NOS3: variants seen among roughly 807,000 people sequenced by gnomAD.
NOS3 encodes nitric oxide synthase 3.
Under a neutral mutation model 144.9 loss-of-function variants are expected in NOS3, and 98 were observed. The ratio of observed to expected loss-of-function variants is 0.68; its 90% confidence interval spans 0.57 to 0.80. The LOEUF (loss-of-function observed/expected upper bound fraction) is 0.80, where lower values mean the gene tolerates loss of function less well. NOS3 is among the 30% of genes least tolerant of loss of function. The pLI is 0.00. For synonymous variants in NOS3, 714 were observed against 702.4 expected (o/e 1.02, Z -0.26); for missense variants, 1,465 against 1,656.4 (o/e 0.88, Z 2.01).
At chr7:150,996,593 G>T in intron 4 of NOS3, 41 bp downstream of exon 4, 1 of 1,562,842 alleles carries the variant, frequency 6.4e-7, no homozygotes. Context: ...TTGTCCCACT[G>T]AGGCCCCAGA....
At chr7:151,011,704 T>G in intron 23 of NOS3, 1 of 249,078 alleles carries the variant, frequency 4.0e-6, no homozygotes, top group Non-Finnish European at 8.3e-6. Context: ...TTTTGTATTT[T>G]TAGTAGAGAC....
At chr7:151,007,392 C>A (rs746644119) in intron 17 of NOS3, 116 bp downstream of exon 17, 16 of 1,170,786 alleles carry the variant, frequency 1.4e-5, no homozygotes, top group Admixed American at 2.8e-5. Context: ...CCAAAATCCA[C>A]CCTCATCTCT....
Position 151,002,311 on chromosome 7 carries a change from A to G in NOS3, c.1752+7A>G. On this transcript the variant is annotated splice_region_variant and intron_variant, in intron 14 of 26. Transcript: ENST00000297494. This position sits in a 1 kb window ranked among gnomAD's most constrained non-coding sequence, Gnocchi z 4.1. ...TCCCCCGGAGAATGGAGAGGTGAGA[A>G]CTTCCAGGAAAGGGGCTGCTGGGAA... 6.7e-7 allele frequency: 1 copy of G among 1,500,414 alleles called. No individual in the cohort carries two copies. Among genetic ancestry groups the G allele is most frequent in the African/African-American group, 1.4e-5 (1 of 72,534 alleles). 92.9% of individuals were successfully genotyped at this position (1,500,414 alleles called of 1,614,324 possible). A position where few individuals can be genotyped will look rare whatever the true frequency, so the allele number is the denominator to read the frequency against.
rs776890230 is a variant in NOS3, at chr7:150,998,781, G to A, written c.816+101G>A. The A allele has an allele frequency of 3.6e-4, 535 of 1,490,042 alleles. 5 individuals are homozygous for A. In the Middle Eastern group the frequency reaches 5.5e-3, roughly 15 times the overall value. The allele number at this position is 1,490,042 out of a possible 1,614,324, so 92.3% of individuals were successfully genotyped here. On this transcript the variant is annotated intron_variant, in intron 7 of 26. Coordinates refer to ENST00000297494, the MANE Select transcript of NOS3 (RefSeq NM_000603.5). This position sits in a 1 kb window ranked among gnomAD's most constrained non-coding sequence, Gnocchi z 5.0. ...ATCCAGGCAGGAAGAGGGGAGCCTC[G>A]GTGAGATAAAGGATGAAAAACACCA...
rs1795317844 is a variant in NOS3 at position 151,012,165 on chromosome 7, C to T, written c.2985-186C>T. The T allele has an allele frequency of 7.3e-6, 4 of 545,374 alleles. 1 individual carries two copies. The East Asian group carries it at 1.2e-4, about 16-fold the overall frequency. The allele number at this position is 545,374 out of a possible 1,614,324, so 33.8% of individuals were successfully genotyped here. ...AAAATGAACTATATTTCCTTTGGTG[C>T]AATCTCCAGAAACCACAGATCCAAG... On this transcript the variant is annotated intron_variant, in intron 23 of 26. Coordinates refer to ENST00000297494, the MANE Select transcript of NOS3 (RefSeq NM_000603.5).
Position 151,013,772 on chromosome 7 carries a change from C to G in NOS3, c.3304C>G (p.Arg1102Gly). The G allele has an allele frequency of 1.9e-6, 3 of 1,611,480 alleles. No homozygotes were observed. Among genetic ancestry groups the G allele is most frequent in the Non-Finnish European group, 2.5e-6 (3 of 1,179,346 alleles). ...GACGGAGCTGGCTGCGGAGGTGCAC[C>G]GCGTGCTGTGCCTCGAGCGGGGCCA... ...LRTELAAEVH[R>G]VLCLERGHMF... The change falls in exon 26 of 27, where the codon CGC becomes GGC. Residue 1102 changes from arginine to glycine, a missense_variant. Arg to Gly is a moderately radical substitution (Grantham distance 125). Transcript: ENST00000297494.
intron 20 of NOS3, among the ~76,000 whole-genome samples, 177 bp from the exon 21 acceptor site, chr7:151,009,938 G>A (rs1008631647): frequency 6.6e-6 from 1 of 152,184 alleles, no homozygotes; most frequent in African/African-American, 2.4e-5. Context: ...AGGCAGAGGA[G>A]CCCAGACCAA....
intron 17 of NOS3, among the ~76,000 whole-genome samples, chr7:151,008,132 A>G (rs143705061): frequency 1.3e-5 from 2 of 152,292 alleles, no homozygotes; most frequent in Non-Finnish European, 2.9e-5. Flanking sequence ...TGGGAATAGG[A>G]CTTTAGAGGC....
chr7:150,994,677 C>T (rs1040596006), intron 2 of NOS3, among the ~76,000 whole-genome samples: 1 of 152,152 alleles, frequency 6.6e-6, no homozygotes, highest in Non-Finnish European at 1.5e-5. Flanking sequence ...AGGGCCGGGG[C>T]CCTGCTGCTC....
At chr7:151,000,056 C>A (rs977710906) in intron 9 of NOS3, among the ~76,000 whole-genome samples, 1 of 92,582 alleles carries the variant, frequency 1.1e-5, no homozygotes, top group South Asian at 4.2e-4. Context: ...TGTGTGTAGG[C>A]GGTGAGTGTG....
rs1257822587 is a variant in NOS3, at chr7:151,006,407, G to A, written c.1753-20G>A. 2.5e-6 allele frequency: 4 copies of A among 1,607,956 alleles called. No homozygotes were observed. In the Admixed American group the frequency reaches 6.7e-5, roughly 27 times the overall value. ...GAAATGAAACAAAACTAACCCTGAT[G>A]CAAACACTCCCCTCGCCAGAGCTTT... is the stretch of plus-strand genomic sequence containing the variant. On this transcript the variant is annotated intron_variant, in intron 14 of 26. Coordinates refer to ENST00000297494, the MANE Select transcript of NOS3 (RefSeq NM_000603.5).
In NOS3 at chr7:150,996,430, C is replaced by G; in HGVS notation, c.297C>G (p.Cys99Trp). The change falls in exon 4 of 27, where the codon TGC becomes TGG. Residue 99 changes from cysteine to tryptophan, a missense_variant. This residue lies in a region of NOS3 where 374 missense variants were observed against 377.0 expected (regional missense o/e 0.99). Coordinates refer to ENST00000297494, the MANE Select transcript of NOS3 (RefSeq NM_000603.5). ...QQDGPCTPRR[C>W]LGSLVFPRKL... ...ATGGGCCCTGCACCCCAAGACGCTGCCTGGGCTCCCTGGTATTTCCACGGA... is the reference window on the plus strand; with the variant it reads ...ATGGGCCCTGCACCCCAAGACGCTGGCTGGGCTCCCTGGTATTTCCACGGA... 1 of 1,548,254 alleles carries G rather than the reference C, an allele frequency of 6.5e-7. No individual in the cohort carries two copies. Among genetic ancestry groups the G allele is most frequent in the Non-Finnish European group, 8.7e-7 (1 of 1,149,868 alleles).
Position 151,013,396 on chromosome 7 carries a change from G to T in NOS3, c.3255+17G>T, listed in dbSNP as rs976375458. The stretch of plus-strand genomic sequence containing the variant: ...AACCCCAAGGTGTGAGACCCTGAGG[G>T]CGCAATGGTAACCTGAAGATAGGGA... On this transcript the variant is annotated intron_variant, in intron 25 of 26. Coordinates refer to ENST00000297494, the MANE Select transcript of NOS3 (RefSeq NM_000603.5). 2.5e-6 allele frequency: 4 copies of T among 1,604,492 alleles called. No individual in the cohort carries two copies. The highest frequency in any genetic ancestry group is 3.4e-6 in the Non-Finnish European group (4 of 1,173,838).
chr7:150,992,669 G>A (rs1802278602), intron 1 of NOS3, among the ~76,000 whole-genome samples: 1 of 150,166 alleles, frequency 6.7e-6, no homozygotes, highest in Admixed American at 6.6e-5. Context: ...AGAGGAGTCT[G>A]GCCAACACAA....
In NOS3 at chr7:150,996,888, C is replaced by T; in HGVS notation, c.545C>T (p.Pro182Leu). ...GCTAAGCAGGCCTGGCGCAACGCTC[C>T]CCGCTGCGTGGGCCGGATCCAGTGG... ...FGAKQAWRNAPRCVGRIQWGK... is the reference protein window; with the variant it reads ...FGAKQAWRNALRCVGRIQWGK... The change falls in exon 5 of 27, where the codon CCC (proline) becomes CTC (leucine). Residue 182 changes from proline to leucine, a missense_variant. Pro to Leu is a moderately conservative substitution (Grantham distance 98, BLOSUM62 -3). Around this residue, in one of 5 missense-constraint regions of NOS3, gnomAD observed 374 missense variants for 377.0 expected, o/e 0.99. Transcript: ENST00000297494. 6.3e-7 allele frequency: 1 copy of T among 1,582,694 alleles called. No individual in the cohort carries two copies. The highest frequency in any genetic ancestry group is 1.8e-4 in the Middle Eastern group (1 of 5,488).
intron 14 of NOS3, among the ~76,000 whole-genome samples, chr7:151,005,694 G>A (rs1304680271): frequency 6.6e-6 from 1 of 152,196 alleles, no homozygotes; most frequent in African/African-American, 2.4e-5. Flanking sequence ...GTACAAGGGC[G>A]TTTGAGAGAG....
At chr7:150,997,214 CA>C in intron 5 of NOS3, among the ~76,000 whole-genome samples, 1 of 151,484 alleles carries the variant, frequency 6.6e-6, no homozygotes, top group Non-Finnish European at 1.5e-5. Flanking sequence ...AGACCTGCTG[CA>C]GGGGTGAGGA....
In NOS3 at chr7:150,998,787, A is replaced by G; in HGVS notation, c.816+107A>G. The G allele has an allele frequency of 1.4e-6, 2 of 1,481,410 alleles. No individual in the cohort carries two copies. Among genetic ancestry groups the G allele is most frequent in the South Asian group, 1.3e-5 (1 of 79,284 alleles). The allele number at this position is 1,481,410 out of a possible 1,614,324, so 91.8% of individuals were successfully genotyped here. A position where few individuals can be genotyped will look rare whatever the true frequency, so the allele number is the denominator to read the frequency against. ...GCAGGAAGAGGGGAGCCTCGGTGAG[A>G]TAAAGGATGAAAAACACCAAAGGAG... On this transcript the variant is annotated intron_variant, in intron 7 of 26. Coordinates refer to ENST00000297494, the MANE Select transcript of NOS3 (RefSeq NM_000603.5). This position sits in a 1 kb window ranked among gnomAD's most constrained non-coding sequence, Gnocchi z 5.0.
chr7:151,008,161 TCA>T (rs1271846912), intron 17 of NOS3, among the ~76,000 whole-genome samples: 1 of 151,978 alleles, frequency 6.6e-6, no homozygotes, highest in Admixed American at 6.6e-5. Context: ...CATTACAGCA[TCA>T]CCGAACCAGA....
Sources: allele counts gnomAD v4.1 joint callset (sites outside exome capture counted in the v4.1 genomes callset), GRCh38; gene constraint gnomAD v4.1.1; regional missense constraint gnomAD v4.1.1; non-coding constraint Gnocchi (gnomAD v3.1); transcripts MANE v1.5; gene names NCBI Gene and HGNC (gene_info 2026-07-23, HGNC 2026-07-21).